TRAPPC8: variants seen among roughly 807,000 people sequenced by gnomAD.
TRAPPC8 encodes trafficking protein particle complex subunit 8, also known as general sporulation gene 1 homolog.
Under a neutral mutation model 174.3 loss-of-function variants are expected in TRAPPC8, and 54 were observed. The observed-to-expected ratio is 0.31, with a 90% CI of 0.25 to 0.39. TRAPPC8 has a LOEUF of 0.39. Among genes scored for constraint, TRAPPC8 ranks in the 10% least tolerant of loss-of-function variants. TRAPPC8 has a pLI of 1.00. For missense variants in TRAPPC8, 1,531 were observed against 1,699.1 expected (o/e 0.90, Z 1.74); for synonymous variants, 630 against 579.9 (o/e 1.09, Z -1.24).
intron 20 of TRAPPC8, 148 bp downstream of exon 20, chr18:31,857,392 T>C (rs1398617198): frequency 2.6e-6 from 2 of 776,286 alleles, no homozygotes; most frequent in African/African-American, 1.7e-5. Context: ...CTTACAGTTC[T>C]ATTTGAGACA....
chr18:31,907,340 A>C, intron 9 of TRAPPC8, 120 bp downstream of exon 9: 1 of 953,874 alleles, frequency 1.0e-6, no homozygotes, highest in African/African-American at 1.7e-5. Context: ...ACAATCTGTA[A>C]AGTACTATAT....
chr18:31,847,042 T>C (rs949017022), intron 25 of TRAPPC8, among the ~76,000 whole-genome samples: 6 of 152,242 alleles, frequency 3.9e-5, no homozygotes, highest in South Asian at 4.1e-4. Context: ...GCCTGGATAT[T>C]TGAGAGAGAT....
intron 27 of TRAPPC8, among the ~76,000 whole-genome samples, chr18:31,838,059 T>C (rs10468903): frequency 0.087 from 13,121 of 151,328 alleles, 777 homozygotes; most frequent in South Asian, 0.26. Context: ...AGCCTCAAAC[T>C]AATGGGCTCA....
At chr18:31,895,859 T>G (rs951271713) in intron 11 of TRAPPC8, 1 of 152,232 alleles carries the variant, frequency 6.6e-6, no homozygotes, top group Admixed American at 6.5e-5. Flanking sequence ...GTCCATGCAA[T>G]AACAATTATT....
In TRAPPC8 at chr18:31,903,104, G is replaced by GCA. The variant is rs1688285632; in HGVS notation, c.1390-2080_1390-2079insTG. ...CTCTCCAGTGTCCTGCTTTTTGATTGCGCGCGTGCGTGCGTGCGTGTGTGT... is the reference window on the plus strand; with the variant it reads ...CTCTCCAGTGTCCTGCTTTTTGATTGCACGCGCGTGCGTGCGTGCGTGTGTGT... On this transcript the variant is annotated intron_variant, in intron 9 of 28. Transcript: ENST00000283351. Among the ~76,000 whole-genome samples, 8 of 55,994 alleles carry GCA rather than the reference G, an allele frequency of 1.4e-4. No homozygotes were observed. In the South Asian group the frequency reaches 6.7e-3, roughly 47 times the overall value. 36.7% of individuals were successfully genotyped at this position (55,994 alleles called of 152,430 possible). A position where few individuals can be genotyped will look rare whatever the true frequency, so the allele number is the denominator to read the frequency against.
intron 2 of TRAPPC8, among the ~76,000 whole-genome samples, chr18:31,920,633 C>G (rs1266900035): frequency 6.6e-6 from 1 of 151,678 alleles, no homozygotes; most frequent in Admixed American, 6.6e-5. Flanking sequence ...AACCCCATCT[C>G]TACTAAAAAA....
intron 1 of TRAPPC8, among the ~76,000 whole-genome samples, chr18:31,937,997 T>C (rs1810475031): frequency 6.6e-6 from 1 of 152,132 alleles, no homozygotes; most frequent in Non-Finnish European, 1.5e-5. Context: ...ACACTGCACC[T>C]GGCCTACTTT....
rs1050374785 is a variant in TRAPPC8, at chr18:31,870,866, T to C, written c.2257+60A>G. The C allele has an allele frequency of 2.1e-5, 28 of 1,355,102 alleles. No individual in the cohort carries two copies. The East Asian group carries it at 3.6e-4, about 17-fold the overall frequency. The allele number at this position is 1,355,102 out of a possible 1,614,324, so 83.9% of individuals were successfully genotyped here. A position where few individuals can be genotyped will look rare whatever the true frequency, so the allele number is the denominator to read the frequency against. On this transcript the variant is annotated intron_variant, in intron 15 of 28. Coordinates refer to ENST00000283351, the MANE Select transcript of TRAPPC8 (RefSeq NM_014939.5). The stretch of plus-strand genomic sequence containing the variant: ...ATTATGTGTGCCAAACAATAAATTA[T>C]CTTCATCATGCTGTAAGTAAAACAA...
chr18:31,890,739 C>T lies in TRAPPC8; in HGVS notation c.1724G>A (p.Gly575Glu). The T allele has an allele frequency of 6.2e-7, 1 of 1,609,726 alleles. No individual in the cohort carries two copies. The highest frequency in any genetic ancestry group is 8.5e-7 in the Non-Finnish European group (1 of 1,177,864). Residue 575 changes from glycine to glutamate, a missense_variant, in exon 12 of 29, where the codon GGG becomes GAG. Gly to Glu is a moderately conservative substitution (Grantham distance 98). Coordinates refer to ENST00000283351, the MANE Select transcript of TRAPPC8 (RefSeq NM_014939.5). ...TTGTAAAGCAAATGCACTCACCTGC[C>T]CTGCTTTACTAAATCGATGGCCTGC... ...ILAGHRFSKA[G>E]QKKHALRCYC...
At chr18:31,932,160 T>C (rs186953823) in intron 1 of TRAPPC8, among the ~76,000 whole-genome samples, 2 of 151,782 alleles carry the variant, frequency 1.3e-5, no homozygotes, top group Non-Finnish European at 2.9e-5. Context: ...CCAGGCGCGG[T>C]GGCTCACGCC....
At chr18:31,865,103 G>C (rs2034523366) in intron 18 of TRAPPC8, among the ~76,000 whole-genome samples, 2 of 151,896 alleles carry the variant, frequency 1.3e-5, no homozygotes, top group South Asian at 4.2e-4. Context: ...ATTATCTTAG[G>C]TCCAACAATT....
intron 2 of TRAPPC8, among the ~76,000 whole-genome samples, chr18:31,930,609 C>T (rs2037807356): frequency 6.6e-6 from 1 of 151,982 alleles, no homozygotes; most frequent in Non-Finnish European, 1.5e-5. Flanking sequence ...AACAGTTAGA[C>T]CAAATACTTC....
At chr18:31,867,308 A>C in intron 17 of TRAPPC8, 94 bp downstream of exon 17, 1 of 945,420 alleles carries the variant, frequency 1.1e-6, no homozygotes, top group South Asian at 1.6e-5. Flanking sequence ...TAAGAAAACT[A>C]GAATATAAAA....
intron 14 of TRAPPC8, among the ~76,000 whole-genome samples, chr18:31,872,401 A>T (rs952174127): frequency 6.6e-6 from 1 of 152,214 alleles, no homozygotes; most frequent in African/African-American, 2.4e-5. Context: ...TAAGACATTT[A>T]AAAAACAAAT....
chr18:31,898,725 T>A (rs368424765), intron 10 of TRAPPC8, among the ~76,000 whole-genome samples: 81 of 152,344 alleles, frequency 5.3e-4, no homozygotes, highest in African/African-American at 1.9e-3. Context: ...ATCAGTTGAT[T>A]TTGTGGACTA....
chr18:31,861,667 T>C (rs1334232700), intron 19 of TRAPPC8, among the ~76,000 whole-genome samples: 2 of 152,132 alleles, frequency 1.3e-5, no homozygotes, highest in South Asian at 2.1e-4. Context: ...CTGGGCACGG[T>C]TGCTCATGCC....
intron 3 of TRAPPC8, 150 bp downstream of exon 3, chr18:31,917,428 C>A: frequency 1.5e-6 from 1 of 658,242 alleles, no homozygotes; most frequent in Non-Finnish European, 2.5e-6. Flanking sequence ...GGCCATTTAA[C>A]AAAATAACAA....
intron 11 of TRAPPC8, chr18:31,891,210 A>T (rs373678841): frequency 0.059 from 9,067 of 154,160 alleles, 285 homozygotes; most frequent in Middle Eastern, 0.099. Flanking sequence ...GTATACCGAT[A>T]AAAAATAAAC....
At chr18:31,855,225 T>C (rs1219294733) in intron 21 of TRAPPC8, among the ~76,000 whole-genome samples, 3 of 151,994 alleles carry the variant, frequency 2.0e-5, no homozygotes, top group Non-Finnish European at 4.4e-5. Context: ...TTAGAGTGCA[T>C]AAACAGGAAT....
Sources: allele counts gnomAD v4.1 joint callset (sites outside exome capture counted in the v4.1 genomes callset), GRCh38; gene constraint gnomAD v4.1.1; transcripts MANE v1.5; gene names NCBI Gene and HGNC (gene_info 2026-07-23, HGNC 2026-07-21).